The following NEB variants were observed in gnomAD, a reference collection of about 807,000 sequenced individuals.
NEB encodes the protein nebulin.
Under a neutral mutation model 952.2 loss-of-function variants are expected in NEB, and 512 were observed. The ratio of observed to expected loss-of-function variants is 0.54; its 90% CI spans 0.50 to 0.58. NEB has a LOEUF of 0.58. Among genes scored for constraint, NEB ranks in the 20% least tolerant of loss-of-function variants. The probability of loss-of-function intolerance (pLI) is 0.00; values close to 1 mark genes in which losing one functional copy is unlikely to be tolerated. For missense variants in NEB, 8,428 were observed against 9,231.1 expected (o/e 0.91, Z 3.56); for synonymous variants, 2,900 against 3,149.8 (o/e 0.92, Z 2.66).
rs979123091 is a variant in NEB at position 151,619,989 on chromosome 2, T to C, written c.10561-227A>G. ...TAGAGAATCATATGTTGGCAAAAAA[T>C]GATAAAAAGTGAATACTGAAATGAA... On this transcript the variant is annotated intron_variant, in intron 72 of 181. Coordinates refer to ENST00000397345, the MANE Select transcript of NEB (RefSeq NM_001164508.2). 3.0e-4 allele frequency among the ~76,000 whole-genome samples: 45 copies of C among 151,874 alleles called. 1 individual carries two copies. The highest frequency in any genetic ancestry group is 7.4e-5 in the Non-Finnish European group (5 of 67,994).
chr2:151,561,621 T>C (rs2096068645), intron 121 of NEB, among the ~76,000 whole-genome samples: 1 of 151,858 alleles, frequency 6.6e-6, no homozygotes, highest in African/African-American at 2.4e-5. Context: ...ATTATTATAC[T>C]TTAAGTTTTA....
chr2:151,490,429 C>T lies in NEB; in HGVS notation c.25240G>A (p.Ala8414Thr), dbSNP rs563173814. 12 of 1,602,184 alleles carry T rather than the reference C, an allele frequency of 7.5e-6. No individual in the cohort carries two copies. The highest frequency in any genetic ancestry group is 5.1e-5 in the Admixed American group (3 of 58,800). ...TAAGTCGAAAGGTGGTGGTCTGGTG[C>T]TTCTGAATGCTCAGACTTCTCCTCA... ...GGEEKSEHSE[A>T]PDHHLSTYSD... Residue 8414 changes from alanine (A) to threonine (T), a missense_variant, in exon 180 of 182, where the codon GCA (alanine) becomes ACA (threonine). Ala to Thr is a moderately conservative substitution (Grantham distance 58). Transcript: ENST00000397345.
rs759929179 is a variant in NEB at position 151,502,824 on chromosome 2, C to G, written c.23897G>C (p.Arg7966Thr). 1 of 1,607,604 alleles carries G rather than the reference C, an allele frequency of 6.2e-7. No homozygotes were observed. Among genetic ancestry groups the G allele is most frequent in the Non-Finnish European group, 8.5e-7 (1 of 1,176,950 alleles). ...IPTPITPEME[R>T]VKRNQENFSS... ...AAAGTTCTCTTGATTGCGTTTGACT[C>G]TCTCCATCTCTGGAGTGATAGGTGT... Residue 7966 changes from arginine (R) to threonine (T), a missense_variant, in exon 167 of 182, where the codon AGA becomes ACA. Arg to Thr is a moderately conservative substitution (Grantham distance 71). Coordinates refer to ENST00000397345, the MANE Select transcript of NEB (RefSeq NM_001164508.2).
intron 29 of NEB, among the ~76,000 whole-genome samples, chr2:151,681,086 T>C (rs2099410881): frequency 6.6e-6 from 1 of 152,208 alleles, no homozygotes; most frequent in African/African-American, 2.4e-5. Flanking sequence ...CTTTCTTAAT[T>C]TCTTGCCTAT....
At position 151,499,694 on chromosome 2, in the gene NEB, A is replaced by G. The variant is rs3213816; in HGVS notation, c.24022-304T>C. ...AAGACCACTAAAATACTCAGTGTAC[A>G]ATAGAAAAATTGCTTAAGTTAGATT... On this transcript the variant is annotated intron_variant, in intron 168 of 181. Coordinates refer to ENST00000397345, the MANE Select transcript of NEB (RefSeq NM_001164508.2). 2.0e-5 allele frequency among the ~76,000 whole-genome samples: 3 copies of G among 152,394 alleles called. No homozygotes were observed. The East Asian group carries it at 5.8e-4, about 29-fold the overall frequency.
rs79026325 is a variant in NEB, at chr2:151,619,214, C to T, written c.10872+237G>A. ...ATTCAAACAAAGGAAGCCTGAATCC[C>T]TAGGAAGATTTATACCTGTTTAGAA... On this transcript the variant is annotated intron_variant, in intron 73 of 181. Coordinates refer to ENST00000397345, the MANE Select transcript of NEB (RefSeq NM_001164508.2). 6.7e-3 allele frequency among the ~76,000 whole-genome samples: 1,013 copies of T among 152,242 alleles called. 6 individuals carry two copies. Among genetic ancestry groups the T allele is most frequent in the Non-Finnish European group, 9.3e-3 (630 of 68,010 alleles).
chr2:151,549,517 T>C (rs1345261078), intron 130 of NEB, 119 bp downstream of exon 130: 1 of 726,174 alleles, frequency 1.4e-6, no homozygotes, highest in African/African-American at 1.7e-5. Context: ...CCAGCTCCCA[T>C]CATTCTATCA....
chr2:151,652,751 T>G (rs2154140142), intron 52 of NEB, among the ~76,000 whole-genome samples: 1 of 152,324 alleles, frequency 6.6e-6, no homozygotes, highest in Non-Finnish European at 1.5e-5. Flanking sequence ...GTGGGAAAGT[T>G]CACTTATAGT....
chr2:151,673,410 CAT>C (rs1278997083), intron 36 of NEB, among the ~76,000 whole-genome samples: 16 of 145,768 alleles, frequency 1.1e-4, no homozygotes, highest in South Asian at 2.2e-4. Context: ...TAATTTCTAA[CAT>C]GTGAAAAATC....
Position 151,533,455 on chromosome 2 carries a change from T to C in NEB, c.21404A>G (p.His7135Arg), listed in dbSNP as rs1261669535. ...ATCAGACATTACCTGGCTCCACATA[T>C]GCGAATTGTAGAGAGCAGTCAACAT... Reference protein sequence around the residue: ...PDMLTALYNSHMWSQIKYRKN... With the variant: ...PDMLTALYNSRMWSQIKYRKN... The change falls in exon 143 of 182, where the codon CAT becomes CGT. Residue 7135 changes from histidine (H) to arginine (R), a missense_variant. Physicochemically the swap from His to Arg is conservative, Grantham distance 29 (BLOSUM62 0). Coordinates refer to ENST00000397345, the MANE Select transcript of NEB (RefSeq NM_001164508.2). 1 of 1,550,756 alleles carries C rather than the reference T, an allele frequency of 6.4e-7. No individual in the cohort carries two copies. Among genetic ancestry groups the C allele is most frequent in the Non-Finnish European group, 8.7e-7 (1 of 1,146,006 alleles).
At chr2:151,728,505 C>T (rs2099797323) in intron 4 of NEB, among the ~76,000 whole-genome samples, 1 of 152,094 alleles carries the variant, frequency 6.6e-6, no homozygotes, top group South Asian at 2.1e-4. Context: ...TTAATGTGAA[C>T]CGGAGTGCCA....
At chr2:151,500,946 G>C (rs2064004889) in intron 168 of NEB, among the ~76,000 whole-genome samples, 1 of 152,010 alleles carries the variant, frequency 6.6e-6, no homozygotes, top group Non-Finnish European at 1.5e-5. Flanking sequence ...TTTCTTTCTT[G>C]GTGCTATTGT....
chr2:151,584,113 C>A (rs954795387), intron 100 of NEB, among the ~76,000 whole-genome samples: 1 of 41,714 alleles, frequency 2.4e-5, no homozygotes, highest in African/African-American at 1.0e-4. Context: ...GGTCAAAAAT[C>A]ATTGACTGGT....
At chr2:151,568,747 T>C in intron 110 of NEB, 31 bp from the exon 111 acceptor site, 1 of 1,466,230 alleles carries the variant, frequency 6.8e-7, no homozygotes, top group South Asian at 1.2e-5. Context: ...TTTAGATAGT[T>C]GTAATTCCTA....
At chr2:151,624,651 A>G (rs1176563787) in intron 71 of NEB, among the ~76,000 whole-genome samples, 2 of 152,150 alleles carry the variant, frequency 1.3e-5, no homozygotes, top group African/African-American at 4.8e-5. Context: ...TAAAGTAATA[A>G]ATTTGGTCAT....
intron 10 of NEB, among the ~76,000 whole-genome samples, chr2:151,715,298 T>C (rs915476883): frequency 2.6e-5 from 4 of 152,254 alleles, no homozygotes; most frequent in African/African-American, 7.2e-5. Flanking sequence ...TTCCAACATG[T>C]AATCAACATA....
chr2:151,733,129 C>A lies in NEB; in HGVS notation c.28G>T (p.Val10Leu). The change falls in exon 3 of 182, where the codon GTG becomes TTG. Residue 10 changes from valine (V) to leucine (L), a missense_variant. Val to Leu is a conservative substitution (Grantham distance 32, BLOSUM62 1). Transcript: ENST00000397345. The part of the protein sequence containing the change: MADDEDYEE[V>L]VEYYTEEVVY... Reference sequence around the variant, plus strand: ...TTTTTTTTAAATCTTACCTCCACCACCTCCTCATAGTCTTCGTCATCTGCC... The same window carrying A: ...TTTTTTTTAAATCTTACCTCCACCAACTCCTCATAGTCTTCGTCATCTGCC... The A allele has an allele frequency of 6.2e-7, 1 of 1,604,092 alleles. No homozygotes were observed. The highest frequency in any genetic ancestry group is 2.2e-5 in the East Asian group (1 of 44,714).
At position 151,516,530 on chromosome 2, in the gene NEB, C is replaced by T. The variant is rs762500577; in HGVS notation, c.22834G>A (p.Gly7612Arg). The T allele has an allele frequency of 3.7e-5, 59 of 1,612,848 alleles. No individual in the cohort carries two copies. The highest frequency in any genetic ancestry group is 4.8e-5 in the Non-Finnish European group (57 of 1,179,226). ...KYKEKYEKER[G>R]KPMLDFETPT... is the part of the protein sequence containing the mutation. ...GTTTCAAAGTCCAGCATGGGTTTTC[C>T]TCGTTCCTTTTCATACTTTTCTTTG... Residue 7612 changes from glycine (G) to arginine (R), a missense_variant, in exon 157 of 182, where the codon GGA (glycine) becomes AGA (arginine). Coordinates refer to ENST00000397345, the MANE Select transcript of NEB (RefSeq NM_001164508.2).
At chr2:151,555,348 A>G (rs2095582543) in intron 124 of NEB, among the ~76,000 whole-genome samples, 1 of 152,204 alleles carries the variant, frequency 6.6e-6, no homozygotes, top group Admixed American at 6.5e-5. Context: ...CTGCTACTAC[A>G]AGCAATTCAT....
Sources: gnomAD v4.1 joint callset for allele counts (sites outside exome capture counted in the v4.1 genomes callset) on GRCh38, gnomAD v4.1.1 for gene constraint, MANE v1.5 for transcripts, NCBI Gene and HGNC (gene_info 2026-07-23, HGNC 2026-07-21) for gene names.